RNF13: variants seen among roughly 807,000 people sequenced by gnomAD.
The protein encoded by RNF13 is ring finger protein 13.
In RNF13, 19 loss-of-function variants were observed where a neutral mutation model predicts 37.7. The ratio of observed to expected loss-of-function variants is 0.50; its 90% CI spans 0.35 to 0.74. RNF13 has a LOEUF of 0.74. Among genes scored for constraint, RNF13 ranks in the 30% least tolerant of loss-of-function variants. The pLI is 0.01. For synonymous variants in RNF13, 144 were observed against 157.8 expected (o/e 0.91, Z 0.65); for missense variants, 375 against 453.0 (o/e 0.83, Z 1.56).
At chr3:149,841,616 C>CT (rs1434196205) in intron 1 of RNF13, among the ~76,000 whole-genome samples, 1 of 151,752 alleles carries the variant, frequency 6.6e-6, no homozygotes, top group Non-Finnish European at 1.5e-5. Flanking sequence ...TGAGCAGATT[C>CT]TTTTTTTTAT....
chr3:149,837,214 A>C (rs1331544306), intron 1 of RNF13, among the ~76,000 whole-genome samples: 1 of 152,254 alleles, frequency 6.6e-6, no homozygotes, highest in African/African-American at 2.4e-5. Context: ...ATAATTTTTC[A>C]TGCATTTAGT....
intron 6 of RNF13, among the ~76,000 whole-genome samples, chr3:149,905,179 T>C (rs1402791101): frequency 6.6e-6 from 1 of 152,226 alleles, no homozygotes; most frequent in African/African-American, 2.4e-5. Flanking sequence ...ATATTGTCAA[T>C]TCCCATCCGT....
At chr3:149,924,070 G>A (rs1718415770) in intron 8 of RNF13, among the ~76,000 whole-genome samples, 2 of 152,116 alleles carry the variant, frequency 1.3e-5, no homozygotes, top group African/African-American at 4.8e-5. Flanking sequence ...TTTAAATACT[G>A]GCTGTATCTG....
chr3:149,920,790 C>CTT (rs34551883), intron 7 of RNF13, among the ~76,000 whole-genome samples: 28,772 of 123,896 alleles, frequency 0.23, 4,001 homozygotes, highest in Middle Eastern at 0.3. Flanking sequence ...CCTTCCCATT[C>CTT]TTTTTTTTTT....
chr3:149,958,253 C>CCA, intron 8 of RNF13, among the ~76,000 whole-genome samples: 1 of 152,298 alleles, frequency 6.6e-6, no homozygotes, highest in East Asian at 1.9e-4. Flanking sequence ...AGGGCCAAAA[C>CCA]CAAGGTGTCA....
At chr3:149,878,353 G>C (rs144014049) in intron 4 of RNF13, among the ~76,000 whole-genome samples, 11 of 152,254 alleles carry the variant, frequency 7.2e-5, no homozygotes, top group African/African-American at 2.4e-4. Context: ...TTTTATCACT[G>C]AACTATAATA....
intron 1 of RNF13, chr3:149,845,703 T>G (rs1385284227): frequency 2.2e-5 from 4 of 183,114 alleles, no homozygotes; most frequent in Non-Finnish European, 3.4e-5. Context: ...AAATCTAGTT[T>G]CTCTGAAATT....
intron 8 of RNF13, among the ~76,000 whole-genome samples, chr3:149,942,400 A>G (rs1280925216): frequency 6.6e-6 from 1 of 152,164 alleles, no homozygotes; most frequent in African/African-American, 2.4e-5. Flanking sequence ...TGTAGTGTAG[A>G]AACCTTTTAA....
chr3:149,863,703 G>A (rs908137096), intron 3 of RNF13, among the ~76,000 whole-genome samples: 2 of 152,092 alleles, frequency 1.3e-5, no homozygotes, highest in Admixed American at 1.3e-4. Flanking sequence ...AATACTAAAG[G>A]AGAATTTTTC....
chr3:149,818,504 A>G (rs1270749000), intron 1 of RNF13, among the ~76,000 whole-genome samples: 1 of 152,160 alleles, frequency 6.6e-6, no homozygotes, highest in African/African-American at 2.4e-5. Context: ...GTACTCATCA[A>G]ATGTTTATTA....
At chr3:149,863,151 A>G (rs1724448103) in intron 3 of RNF13, among the ~76,000 whole-genome samples, 1 of 152,286 alleles carries the variant, frequency 6.6e-6, no homozygotes, top group East Asian at 1.9e-4. Context: ...GGATCTGACC[A>G]TTTCCATCAT....
At chr3:149,934,942 A>G (rs111349595) in intron 8 of RNF13, among the ~76,000 whole-genome samples, 16 of 152,320 alleles carry the variant, frequency 1.1e-4, no homozygotes, top group African/African-American at 3.8e-4. Flanking sequence ...AAAAAAGAAT[A>G]AAAATCTAGT....
chr3:149,939,311 ATCT>A (rs1720019983), intron 8 of RNF13: 1 of 461,226 alleles, frequency 2.2e-6, no homozygotes, highest in African/African-American at 2.1e-5. Context: ...TTTCATCATC[ATCT>A]TCTGCATCAG....
At chr3:149,903,803 G>T (rs996534226) in intron 6 of RNF13, among the ~76,000 whole-genome samples, 17 of 152,098 alleles carry the variant, frequency 1.1e-4, no homozygotes, top group Non-Finnish European at 1.9e-4. Flanking sequence ...TTTCATGTCA[G>T]TTCACTTCAA....
intron 7 of RNF13, among the ~76,000 whole-genome samples, chr3:149,919,513 TG>T (rs1467016783): frequency 6.6e-6 from 1 of 152,216 alleles, no homozygotes; most frequent in Non-Finnish European, 1.5e-5. Context: ...TGTACTCTTT[TG>T]TGTCTGTCTT....
At chr3:149,854,518 G>A (rs1365299127) in intron 3 of RNF13, among the ~76,000 whole-genome samples, 3 of 152,060 alleles carry the variant, frequency 2.0e-5, no homozygotes, top group Non-Finnish European at 2.9e-5. Context: ...AATGGAATCC[G>A]CTCTAGCTAG....
At chr3:149,902,267 A>C (rs1175087591) in intron 6 of RNF13, 105 bp downstream of exon 6, 146 of 532,882 alleles carry the variant, frequency 2.7e-4, no homozygotes, top group Non-Finnish European at 3.3e-6. Flanking sequence ...TGAACTCTGT[A>C]GTGCTAAATT....
At chr3:149,958,308 TCCTTA>T (rs1722057568) in intron 8 of RNF13, among the ~76,000 whole-genome samples, 1 of 152,168 alleles carries the variant, frequency 6.6e-6, no homozygotes, top group African/African-American at 2.4e-5. Context: ...AGAATCCATT[TCCTTA>T]CCTTTTCTGG....
At chr3:149,934,940 A>G (rs376500536) in intron 8 of RNF13, among the ~76,000 whole-genome samples, 1 of 152,316 alleles carries the variant, frequency 6.6e-6, no homozygotes, top group East Asian at 1.9e-4. Context: ...TTAAAAAAGA[A>G]TAAAAATCTA....
Sources: allele counts gnomAD v4.1 joint callset (sites outside exome capture counted in the v4.1 genomes callset), GRCh38; gene constraint gnomAD v4.1.1; transcripts MANE v1.5; gene names NCBI Gene and HGNC (gene_info 2026-07-23, HGNC 2026-07-21).